Variants in RASEF observed in about 807,000 individuals in gnomAD.
RASEF encodes ras and EF-hand domain-containing protein.
Under a neutral mutation model 90.1 loss-of-function variants are expected in RASEF, and 68 were observed. That is an observed-to-expected ratio of 0.75 (90% confidence interval 0.62 to 0.92). RASEF has a LOEUF of 0.92. Ranked by LOEUF, RASEF falls within the 40% of genes least tolerant of loss-of-function variation. The pLI is 0.00. For synonymous variants in RASEF, 331 were observed against 345.2 expected, an observed-to-expected ratio of 0.96 and a Z score of 0.46; for missense variants, 949 against 937.2, an observed-to-expected ratio of 1.01 and a Z score of -0.16.
intron 3 of RASEF, among the ~76,000 whole-genome samples, chr9:83,020,275 A>G (rs1187170270): frequency 2.0e-5 from 3 of 152,164 alleles, no homozygotes; most frequent in African/African-American, 4.8e-5. Flanking sequence ...AGGAGTGAAG[A>G]GATAATCATC....
chr9:83,048,850 T>A, intron 1 of RASEF: 2 of 774,080 alleles, frequency 2.6e-6, no homozygotes, highest in Non-Finnish European at 3.1e-6. Context: ...CCTGTGAGGC[T>A]GTGTGCAGTG....
chr9:83,205,616 C>T, the RASEF span, among the ~76,000 whole-genome samples: 1 of 152,080 alleles, frequency 6.6e-6, no homozygotes, highest in African/African-American at 2.4e-5. Context: ...TCCCCAGGCA[C>T]TTTATTTGCA....
At chr9:83,161,408 TG>T in the RASEF span, among the ~76,000 whole-genome samples, 15,420 of 152,206 alleles carry the variant, frequency 0.1, 966 homozygotes, top group Middle Eastern at 0.18. Flanking sequence ...CAGACTTGCA[TG>T]GGGCCTGTAG....
rs760347551 is a variant in RASEF at position 83,009,665 on chromosome 9, G to A, written c.935C>T (p.Ala312Val). ...CCTTTCAGTATTCAGACTCTGATCA[G>A]CATAATCACTTTTCAAAGCATCTAA... ...SELDALKSDY[A>V]DQSLNTERDL... Residue 312 changes from alanine (A) to valine (V), a missense_variant, in exon 6 of 17, where the codon GCT (alanine) becomes GTT (valine). Physicochemically the swap from Ala to Val is moderately conservative, Grantham distance 64. Around this residue, in one of 3 missense-constraint regions of RASEF, gnomAD observed 656 missense variants for 592.2 expected, o/e 1.11. Transcript: ENST00000376447. 13 of 1,607,434 alleles carry A rather than the reference G, an allele frequency of 8.1e-6. No individual in the cohort carries two copies. The highest frequency in any genetic ancestry group is 6.8e-6 in the Non-Finnish European group (8 of 1,174,346).
rs185424469 is a variant in RASEF at position 83,055,534 on chromosome 9, C to T, written c.431+6903G>A. 1.8e-4 allele frequency: 125 copies of T among 711,324 alleles called. 2 individuals are homozygous for T. Among genetic ancestry groups the T allele is most frequent in the South Asian group, 5.8e-4 (39 of 67,508 alleles). The allele number at this position is 711,324 out of a possible 1,614,324, so 44.1% of individuals were successfully genotyped here. Reference sequence around the variant, plus strand: ...GTCGCTCACGCTGGGAGCTGTAGACCGGAGCTGTTCCTATTCGGCCATCTT... The same window carrying T: ...GTCGCTCACGCTGGGAGCTGTAGACTGGAGCTGTTCCTATTCGGCCATCTT... On this transcript the variant is annotated intron_variant, in intron 1 of 16. Coordinates refer to ENST00000376447, the MANE Select transcript of RASEF (RefSeq NM_152573.4).
chr9:83,086,807 G>C, the RASEF span, among the ~76,000 whole-genome samples: 2 of 152,116 alleles, frequency 1.3e-5, no homozygotes, highest in African/African-American at 4.8e-5. Flanking sequence ...GAGAGAGAGA[G>C]AAAGAAGAGA....
chr9:83,119,820 GC>G, the RASEF span, among the ~76,000 whole-genome samples: 1 of 152,120 alleles, frequency 6.6e-6, no homozygotes, highest in Non-Finnish European at 1.5e-5. Flanking sequence ...TCTGATAGTA[GC>G]TATTTCCTGG....
At chr9:83,215,694 C>T in the RASEF span, among the ~76,000 whole-genome samples, 1 of 152,276 alleles carries the variant, frequency 6.6e-6, no homozygotes, top group African/African-American at 2.4e-5. Flanking sequence ...TAGGGTGCTG[C>T]TGCAAAGGTA....
Position 83,025,765 on chromosome 9 carries a change from A to C in RASEF, c.578+10T>G, listed in dbSNP as rs1829534287. On this transcript the variant is annotated intron_variant, in intron 2 of 16. Transcript: ENST00000376447. Reference sequence around the variant, plus strand: ...CCCACAGGCCACTTATAAAGGAAGGACTTCAATACCTCTTCACCGCAATGG... The same window carrying C: ...CCCACAGGCCACTTATAAAGGAAGGCCTTCAATACCTCTTCACCGCAATGG... 4 of 1,611,930 alleles carry C rather than the reference A, an allele frequency of 2.5e-6. No homozygotes were observed. Among genetic ancestry groups the C allele is most frequent in the African/African-American group, 1.3e-5 (1 of 74,856 alleles).
chr9:83,079,861 G>A, the RASEF span, among the ~76,000 whole-genome samples: 1 of 150,154 alleles, frequency 6.7e-6, no homozygotes, highest in Non-Finnish European at 1.5e-5. Flanking sequence ...ATTTGGGCAT[G>A]GACAAATAGC....
the RASEF span, among the ~76,000 whole-genome samples, chr9:83,196,871 A>G: frequency 1.3e-5 from 2 of 152,228 alleles, no homozygotes; most frequent in Non-Finnish European, 2.9e-5. Context: ...GCAGACATGA[A>G]AATCCAACAC....
chr9:83,195,746 A>T, the RASEF span, among the ~76,000 whole-genome samples: 5 of 152,136 alleles, frequency 3.3e-5, no homozygotes, highest in Non-Finnish European at 5.9e-5. Flanking sequence ...CTGGGAGGAC[A>T]GAGGTGGTAA....
chr9:82,982,815 G>T, intron 16 of RASEF, 33 bp from the exon 17 acceptor site: 1 of 1,080,240 alleles, frequency 9.3e-7, no homozygotes, highest in South Asian at 1.4e-5. Context: ...CAGAGAGAGA[G>T]AGAGAGAGAG....
the RASEF span, among the ~76,000 whole-genome samples, chr9:83,091,999 A>ATTTTTTTTTTTTTTTTTTTTT: frequency 1.2e-4 from 2 of 17,240 alleles, no homozygotes; most frequent in African/African-American, 4.8e-4. Flanking sequence ...TTTTTCTTTT[A>ATTTTTTTTTTTTTTTTTTTTT]TTTCTTTTTT....
the RASEF span, among the ~76,000 whole-genome samples, chr9:83,186,344 C>G: frequency 6.6e-6 from 1 of 152,170 alleles, no homozygotes; most frequent in Non-Finnish European, 1.5e-5. Flanking sequence ...TGCGTCCCTA[C>G]ATTTCATGTT....
At chr9:83,039,416 G>C (rs1269913702) in intron 1 of RASEF, among the ~76,000 whole-genome samples, 1 of 152,212 alleles carries the variant, frequency 6.6e-6, no homozygotes, top group Admixed American at 6.5e-5. Context: ...GTCTGGAGAA[G>C]AAGGGCTCAA....
the RASEF span, among the ~76,000 whole-genome samples, chr9:83,216,388 CT>C: frequency 6.6e-6 from 1 of 152,164 alleles, no homozygotes; most frequent in African/African-American, 2.4e-5. Flanking sequence ...ACTTGGTGCC[CT>C]GTGTCCCAGC....
In RASEF at chr9:83,012,479, CT is replaced by C; in HGVS notation, c.797del (p.Lys266ArgfsTer7). Reference protein sequence around the residue: ...LEEQSKRVSQKEDVAALKKQI... With the variant: ...LEEQSKRVSQXEDVAALKKQI... The stretch of plus-strand genomic sequence containing the variant: ...GTTTTTTCAATGCAGCCACATCTTC[CT>C]TTTGACTTACGCGTTTTGATTGTTC... On this transcript the variant is annotated frameshift_variant, in exon 5 of 17. Transcript: ENST00000376447. LOFTEE classifies it high-confidence loss of function. The C allele has an allele frequency of 1.3e-6, 2 of 1,591,458 alleles. No individual in the cohort carries two copies. Among genetic ancestry groups the C allele is most frequent in the South Asian group, 1.1e-5 (1 of 87,368 alleles).
Position 83,021,815 on chromosome 9 carries a change from C to T in RASEF, c.669+521G>A, listed in dbSNP as rs116019826. On this transcript the variant is annotated intron_variant, in intron 3 of 16. Transcript: ENST00000376447. ...ACTTGAGCATGCAGATTTTGGTATG[C>T]GGGGTTGCAGGGGAGTCCTGGAACC... 5.3e-3 allele frequency among the ~76,000 whole-genome samples: 806 copies of T among 152,232 alleles called. 6 individuals carry two copies. Among genetic ancestry groups the T allele is most frequent in the African/African-American group, 0.017 (726 of 41,526 alleles).
Sources: allele counts gnomAD v4.1 joint callset (sites outside exome capture counted in the v4.1 genomes callset), GRCh38; gene constraint gnomAD v4.1.1; regional missense constraint gnomAD v4.1.1; transcripts MANE v1.5; gene names NCBI Gene and HGNC (gene_info 2026-07-23, HGNC 2026-07-21).